Variants in GTF2IRD1 observed in about 807,000 individuals in gnomAD.
GTF2IRD1 encodes the protein general transcription factor II-I repeat domain-containing protein 1.
Under a neutral mutation model 113.2 loss-of-function variants are expected in GTF2IRD1, and 26 were observed. The observed-to-expected ratio is 0.23, with a 90% CI of 0.17 to 0.32. The LOEUF (loss-of-function observed/expected upper bound fraction) is 0.32, where lower values mean the gene tolerates loss of function less well. GTF2IRD1 is among the 10% of genes least tolerant of loss of function. The pLI is 1.00. For synonymous variants in GTF2IRD1, 484 were observed against 529.1 expected, an observed-to-expected ratio of 0.91 and a Z score of 1.17; for missense variants, 864 against 1,280.8, an observed-to-expected ratio of 0.67 and a Z score of 4.97.
At chr7:74,593,379 C>T (rs1442542811) in intron 24 of GTF2IRD1, among the ~76,000 whole-genome samples, 1 of 119,592 alleles carries the variant, frequency 8.4e-6, no homozygotes, top group East Asian at 2.4e-4. Flanking sequence ...AGTTCGAGAC[C>T]AGCCTGACCA....
intron 1 of GTF2IRD1, among the ~76,000 whole-genome samples, chr7:74,504,831 C>T (rs1419511852): frequency 1.3e-5 from 2 of 151,390 alleles, no homozygotes; most frequent in African/African-American, 4.9e-5. Context: ...CCTCAGACTC[C>T]CAAGTAGCTG....
chr7:74,454,698 AC>A (rs1214935700), intron 1 of GTF2IRD1, among the ~76,000 whole-genome samples: 1 of 148,324 alleles, frequency 6.7e-6, no homozygotes, highest in Non-Finnish European at 1.5e-5. Flanking sequence ...CCTGTAGTGG[AC>A]CCCCCGCCCC....
At position 74,547,045 on chromosome 7, in the gene GTF2IRD1, G is replaced by A. The variant is rs587629740; in HGVS notation, c.1733-58G>A. ...CCCCGACACAGGCACGGGACACAGGGGTTGAGGCTCCTGGCCCTGTGGCAC... is the reference window on the plus strand; with the variant it reads ...CCCCGACACAGGCACGGGACACAGGAGTTGAGGCTCCTGGCCCTGTGGCAC... On this transcript the variant is annotated intron_variant, in intron 16 of 26. Coordinates refer to ENST00000424337, the MANE Select transcript of GTF2IRD1 (RefSeq NM_005685.4). 7.3e-6 allele frequency: 11 copies of A among 1,498,882 alleles called. No individual in the cohort carries two copies. In the East Asian group the frequency reaches 2.3e-4, roughly 31 times the overall value. The allele number at this position is 1,498,882 out of a possible 1,614,324, so 92.8% of individuals were successfully genotyped here.
intron 1 of GTF2IRD1, among the ~76,000 whole-genome samples, chr7:74,495,393 C>T (rs1252237486): frequency 1.3e-5 from 2 of 152,252 alleles, no homozygotes; most frequent in Non-Finnish European, 2.9e-5. Flanking sequence ...CGTCACACCC[C>T]ATCGGGCTCC....
At chr7:74,466,132 C>T (rs553601390) in intron 1 of GTF2IRD1, among the ~76,000 whole-genome samples, 1 of 152,274 alleles carries the variant, frequency 6.6e-6, no homozygotes, top group South Asian at 2.1e-4. Flanking sequence ...CTGGTTGGTC[C>T]CCTTGGCCTG....
At chr7:74,461,735 C>T (rs1211900079) in intron 1 of GTF2IRD1, among the ~76,000 whole-genome samples, 2 of 152,100 alleles carry the variant, frequency 1.3e-5, no homozygotes, top group Admixed American at 6.5e-5. Context: ...CATGCCACCT[C>T]GCCCAGCCAA....
intron 1 of GTF2IRD1, among the ~76,000 whole-genome samples, chr7:74,501,447 G>C (rs190538824): frequency 3.3e-5 from 5 of 152,174 alleles, no homozygotes; most frequent in Non-Finnish European, 7.3e-5. Flanking sequence ...GACTCCTTCC[G>C]TCTCTTCCCT....
intron 17 of GTF2IRD1, among the ~76,000 whole-genome samples, chr7:74,550,637 A>G (rs1396927573): frequency 6.6e-6 from 1 of 151,234 alleles, no homozygotes; most frequent in African/African-American, 2.4e-5. Context: ...TCCAGGCGTG[A>G]TGGCTCACGC....
intron 1 of GTF2IRD1, among the ~76,000 whole-genome samples, chr7:74,502,131 A>G (rs1554339682): frequency 6.6e-6 from 1 of 151,988 alleles, no homozygotes; most frequent in African/African-American, 2.4e-5. Context: ...TAGAGACAGG[A>G]TTTTGCCATG....
At chr7:74,582,749 T>C (rs1554366512) in intron 22 of GTF2IRD1, among the ~76,000 whole-genome samples, 1 of 152,036 alleles carries the variant, frequency 6.6e-6, no homozygotes, top group African/African-American at 2.4e-5. Context: ...ATCCCCCTTT[T>C]CCCCACTGTA....
chr7:74,580,849 C>G (rs1184466229), intron 22 of GTF2IRD1, among the ~76,000 whole-genome samples: 3 of 152,132 alleles, frequency 2.0e-5, no homozygotes, highest in African/African-American at 7.2e-5. Context: ...GAAGGTGAAA[C>G]CCTACACACA....
chr7:74,547,397 A>T, intron 17 of GTF2IRD1, 111 bp downstream of exon 17: 2 of 745,690 alleles, frequency 2.7e-6, no homozygotes, highest in African/African-American at 1.8e-5. Context: ...CCACCTGAAT[A>T]GCTGGGACCA....
chr7:74,461,493 T>C (rs1554329231), intron 1 of GTF2IRD1, among the ~76,000 whole-genome samples: 4 of 152,168 alleles, frequency 2.6e-5, no homozygotes, highest in Non-Finnish European at 4.4e-5. Context: ...GTGAGGACCT[T>C]GCAGAGGCGT....
intron 1 of GTF2IRD1, among the ~76,000 whole-genome samples, chr7:74,480,257 G>A (rs1794656168): frequency 6.6e-6 from 1 of 152,160 alleles, no homozygotes; most frequent in Admixed American, 6.5e-5. Context: ...GTGGGACACA[G>A]TGTGAGAGAG....
chr7:74,538,147 G>A lies in GTF2IRD1; in HGVS notation c.1421G>A (p.Gly474Asp), dbSNP rs1798411515. ...GCTTCCCTTCACAGGTCAGACAAGGGCAGCATGTCTGAAGACTGTGGGCCA... is the reference window on the plus strand; with the variant it reads ...GCTTCCCTTCACAGGTCAGACAAGGACAGCATGTCTGAAGACTGTGGGCCA... ...DLAGNARSDK[G>D]SMSEDCGPGT... is the part of the protein sequence containing the mutation. Residue 474 changes from glycine to aspartate, a missense_variant, in exon 12 of 27, where the codon GGC becomes GAC. Transcript: ENST00000424337. 6.2e-7 allele frequency: 1 copy of A among 1,612,220 alleles called. No homozygotes were observed. Among genetic ancestry groups the A allele is most frequent in the African/African-American group, 1.3e-5 (1 of 74,874 alleles).
intron 17 of GTF2IRD1, among the ~76,000 whole-genome samples, chr7:74,554,142 C>A (rs1799469186): frequency 6.6e-6 from 1 of 152,152 alleles, no homozygotes; most frequent in African/African-American, 2.4e-5. Flanking sequence ...AGCTCATTAC[C>A]TCTCCAGGCC....
At chr7:74,574,625 A>G (rs1800906321) in intron 22 of GTF2IRD1, among the ~76,000 whole-genome samples, 1 of 149,090 alleles carries the variant, frequency 6.7e-6, no homozygotes, top group African/African-American at 2.5e-5. Flanking sequence ...GTGCCAGGCT[A>G]ATTTTTGTAT....
At chr7:74,501,446 C>T (rs553082013) in intron 1 of GTF2IRD1, among the ~76,000 whole-genome samples, 10 of 152,164 alleles carry the variant, frequency 6.6e-5, no homozygotes, top group Admixed American at 3.9e-4. Context: ...TGACTCCTTC[C>T]GTCTCTTCCC....
rs1554356451 is a variant in GTF2IRD1, at chr7:74,555,378, C to T, written c.1967-60C>T. 2.5e-6 allele frequency: 4 copies of T among 1,591,122 alleles called. No individual in the cohort carries two copies. The highest frequency in any genetic ancestry group is 3.5e-6 in the Non-Finnish European group (4 of 1,159,236). Reference sequence around the variant, plus strand: ...CACATTGGGTTTCCCCTAACGATGCCATCTTGGGTCCCAGGAACTGCCTCC... The same window carrying T: ...CACATTGGGTTTCCCCTAACGATGCTATCTTGGGTCCCAGGAACTGCCTCC... On this transcript the variant is annotated intron_variant, in intron 18 of 26. Coordinates refer to ENST00000424337, the MANE Select transcript of GTF2IRD1 (RefSeq NM_005685.4). This position sits in a 1 kb window ranked among gnomAD's most constrained non-coding sequence, Gnocchi z 5.3.
Sources: gnomAD v4.1 joint callset for allele counts (sites outside exome capture counted in the v4.1 genomes callset) on GRCh38, gnomAD v4.1.1 for gene constraint, Gnocchi (gnomAD v3.1) non-coding constraint, MANE v1.5 for transcripts, NCBI Gene and HGNC (gene_info 2026-07-23, HGNC 2026-07-21) for gene names.